The following KRT37 variants were observed in gnomAD, a reference collection of about 807,000 sequenced individuals.
The protein encoded by KRT37 is keratin, type I cuticular Ha7.
In KRT37, 38 loss-of-function variants were observed where a neutral mutation model predicts 41.9. The observed-to-expected ratio is 0.91, with a 90% CI of 0.70 to 1.19. The LOEUF (loss-of-function observed/expected upper bound fraction) is 1.19. KRT37 is among the 50% of genes most tolerant of loss of function. KRT37 has a pLI of 0.00. For synonymous variants in KRT37, 252 were observed against 243.4 expected (o/e 1.04, Z -0.33); for missense variants, 580 against 575.5 (o/e 1.01, Z -0.08).
At position 41,424,172 on chromosome 17, in the gene KRT37, A is replaced by G; in HGVS notation, c.352T>C (p.Tyr118His). Reference sequence around the variant, plus strand: ...TCCAGCTGGCGCACCTTCTCCAGGTAGTTGGCCAGGCGGTCATTCAGGAAC... The same window carrying G: ...TCCAGCTGGCGCACCTTCTCCAGGTGGTTGGCCAGGCGGTCATTCAGGAAC... ...MKFLNDRLANYLEKVRQLEQE... is the reference protein window; with the variant it reads ...MKFLNDRLANHLEKVRQLEQE... The change falls in exon 1 of 7, where the codon TAC becomes CAC. Residue 118 changes from tyrosine (Y) to histidine (H), a missense_variant. Coordinates refer to ENST00000225550, the MANE Select transcript of KRT37 (RefSeq NM_003770.5). The G allele has an allele frequency of 6.2e-7, 1 of 1,614,230 alleles. No homozygotes were observed. The highest frequency in any genetic ancestry group is 8.5e-7 in the Non-Finnish European group (1 of 1,180,038).
rs1173359628 is a variant in KRT37 at position 41,421,536 on chromosome 17, C to A, written c.1072G>T (p.Glu358Ter). 4 of 1,614,262 alleles carry A rather than the reference C, an allele frequency of 2.5e-6. No homozygotes were observed. The Admixed American group carries it at 6.7e-5, about 27-fold the overall frequency. ...LCEAEDRYGTELAQMQSLISN... is the reference protein window; with the variant it reads ...LCEAEDRYGT The stretch of plus-strand genomic sequence containing the variant: ...ATGAGGCTCTGCATCTGGGCCAGCT[C>A]TGTGCCGTAGCGGTCCTCCGCTTCA... Residue 358 changes from glutamate (E) to a stop codon, truncating the protein, a stop_gained, in exon 6 of 7, where the codon GAG (glutamate) becomes TAG (stop). Transcript: ENST00000225550. LOFTEE classifies it high-confidence loss of function.
Position 41,420,971 on chromosome 17 carries a change from G to C in KRT37, c.1257C>G (p.Pro419=). The change falls in exon 7 of 7, where the codon CCC becomes CCG. Residue 419 remains proline, a synonymous_variant. Coordinates refer to ENST00000225550, the MANE Select transcript of KRT37 (RefSeq NM_003770.5). The part of the protein sequence containing the change: ...ESEDCKLPCN[P]CSTPASCTSC... The stretch of plus-strand genomic sequence containing the variant: ...AAGTACAGGAGGCAGGCGTGGAACA[G>C]GGATTGCAGGGGAGTCTGCAGGGAG... The C allele has an allele frequency of 6.2e-7, 1 of 1,612,990 alleles. No individual in the cohort carries two copies. The highest frequency in any genetic ancestry group is 1.7e-4 in the Middle Eastern group (1 of 6,060).
chr17:41,421,418 A>G lies in KRT37; in HGVS notation c.1190T>C (p.Leu397Ser), dbSNP rs1463374598. The change falls in exon 6 of 7, where the codon TTG becomes TCG. Residue 397 changes from leucine to serine, a missense_variant. Leu to Ser is a moderately radical substitution (Grantham distance 145). Coordinates refer to ENST00000225550, the MANE Select transcript of KRT37 (RefSeq NM_003770.5). ...CCGGTATGTGGCAATCTCGTTCTCC[A>G]ACCGGGCCTTCACGTCCAGCAGCAC... The part of the protein sequence containing the change: ...YQVLLDVKAR[L>S]ENEIATYRNL... 2 of 1,614,206 alleles carry G rather than the reference A, an allele frequency of 1.2e-6. No homozygotes were observed. Among genetic ancestry groups the G allele is most frequent in the Non-Finnish European group, 1.7e-6 (2 of 1,180,022 alleles).
chr17:41,422,045 G>A (rs72828181), intron 5 of KRT37, 24 bp downstream of exon 5: 99 of 1,614,158 alleles, frequency 6.1e-5, no homozygotes, highest in Non-Finnish European at 8.1e-5. Context: ...CATTTGCAGT[G>A]CAGTGAGGGT....
In KRT37 at chr17:41,420,956, GGCAGGC is replaced by G. The variant is rs774992787; in HGVS notation, c.1266_1271del (p.Pro423_Ala424del). 1.7e-5 allele frequency: 27 copies of G among 1,613,942 alleles called. No homozygotes were observed. The South Asian group carries it at 2.6e-4, about 16-fold the overall frequency. On this transcript the variant is annotated inframe_deletion, in exon 7 of 7. Transcript: ENST00000225550. ...CACAGCTTGGACAAGAAGTACAGGAGGCAGGCGTGGAACAGGGATTGCAGGGGAGTC... is the reference window on the plus strand; with the variant it reads ...CACAGCTTGGACAAGAAGTACAGGAGGTGGAACAGGGATTGCAGGGGAGTC...
chr17:41,421,430 A>G lies in KRT37; in HGVS notation c.1178T>C (p.Val393Ala), dbSNP rs756204950. The change falls in exon 6 of 7, where the codon GTG (valine) becomes GCG (alanine). Residue 393 changes from valine to alanine, a missense_variant. By Grantham distance (64) the Val-to-Ala change is moderately conservative. Coordinates refer to ENST00000225550, the MANE Select transcript of KRT37 (RefSeq NM_003770.5). ...AATCTCGTTCTCCAACCGGGCCTTC[A>G]CGTCCAGCAGCACCTGGTACTCCTG... ...QNQEYQVLLD[V>A]KARLENEIAT... The G allele has an allele frequency of 6.2e-7, 1 of 1,614,244 alleles. No homozygotes were observed. The highest frequency in any genetic ancestry group is 8.5e-7 in the Non-Finnish European group (1 of 1,180,040).
chr17:41,422,058 A>G lies in KRT37; in HGVS notation c.1020+11T>C, dbSNP rs1474064173. ...GGCATTTGCAGTGCAGTGAGGGTGA[A>G]GGACACGTACCAAGGTGTGCTGGGC... On this transcript the variant is annotated intron_variant, in intron 5 of 6. Coordinates refer to ENST00000225550, the MANE Select transcript of KRT37 (RefSeq NM_003770.5). The G allele has an allele frequency of 3.7e-6, 6 of 1,614,194 alleles. No homozygotes were observed. The highest frequency in any genetic ancestry group is 5.1e-6 in the Non-Finnish European group (6 of 1,180,018).
At chr17:41,422,235 G>A in intron 4 of KRT37, 38 bp downstream of exon 4, 1 of 1,613,908 alleles carries the variant, frequency 6.2e-7, no homozygotes, top group Non-Finnish European at 8.5e-7. Flanking sequence ...TGCTCAGATG[G>A]AGGCCAGGTA....
At chr17:41,422,499 C>T in intron 3 of KRT37, 65 bp from the exon 4 acceptor site, 1 of 1,583,606 alleles carries the variant, frequency 6.3e-7, no homozygotes. Flanking sequence ...CAGACAGCAC[C>T]AGGACTCCGT....
intron 2 of KRT37, 24 bp downstream of exon 2, chr17:41,423,738 C>T (rs1280289067): frequency 6.2e-7 from 1 of 1,608,180 alleles, no homozygotes; most frequent in Admixed American, 1.7e-5. Context: ...AGAAGTCACA[C>T]TGACCCTCCT....
intron 1 of KRT37, 73 bp downstream of exon 1, chr17:41,423,959 C>T: frequency 1.9e-6 from 3 of 1,602,602 alleles, no homozygotes; most frequent in Non-Finnish European, 2.6e-6. Context: ...GCTCTCTGGA[C>T]CTTATGCAGA....
In KRT37 at chr17:41,420,926, A is replaced by G; in HGVS notation, c.1302T>C (p.Pro434=). Residue 434 remains proline (P), a synonymous_variant, in exon 7 of 7, where the codon CCT becomes CCC. Transcript: ENST00000225550. The part of the protein sequence containing the change: ...ASCTSCPSCG[P]VTGGSPSGHG... ...GGCCAGAGGGAGACCCACCGGTGAC[A>G]GGGCCACAGCTTGGACAAGAAGTAC... 1 of 1,614,080 alleles carries G rather than the reference A, an allele frequency of 6.2e-7. No individual in the cohort carries two copies.
chr17:41,420,883 TC>T lies in KRT37; in HGVS notation c.1344del (p.Arg449AspfsTer8). On this transcript the variant is annotated frameshift_variant, in exon 7 of 7. Transcript: ENST00000225550. LOFTEE classifies it high-confidence loss of function. ...GSPSGHGASM[G>X]R is the part of the protein sequence containing the mutation. ...CCTAACTCGGGCCTTCAGAATCATC[TC>T]CCCATGCTGGCTCCATGGCCAGAGG... 6.2e-7 allele frequency: 1 copy of T among 1,609,628 alleles called. No homozygotes were observed. The highest frequency in any genetic ancestry group is 1.7e-5 in the Admixed American group (1 of 59,974).
Position 41,422,326 on chromosome 17 carries a change from C to G in KRT37, c.841G>C (p.Glu281Gln). The G allele has an allele frequency of 6.2e-7, 1 of 1,614,174 alleles. No homozygotes were observed. The highest frequency in any genetic ancestry group is 8.5e-7 in the Non-Finnish European group (1 of 1,180,024). ...TGGTGGTTGGTCTCCACCATGGCCT[C>G]GTACTGAGCCCGCATCTCCCCCAAC... ...RVLGEMRAQYEAMVETNHQDV... is the reference protein window; with the variant it reads ...RVLGEMRAQYQAMVETNHQDV... The change falls in exon 4 of 7, where the codon GAG (glutamate) becomes CAG (glutamine). Residue 281 changes from glutamate (E) to glutamine (Q), a missense_variant. Physicochemically the swap from Glu to Gln is conservative, Grantham distance 29. Transcript: ENST00000225550.
chr17:41,421,435 C>T lies in KRT37; in HGVS notation c.1173G>A (p.Leu391=), dbSNP rs779390599. 11 of 1,614,238 alleles carry T rather than the reference C, an allele frequency of 6.8e-6. No individual in the cohort carries two copies. The Admixed American group carries it at 1.7e-4, about 24-fold the overall frequency. The stretch of plus-strand genomic sequence containing the variant: ...CGTTCTCCAACCGGGCCTTCACGTC[C>T]AGCAGCACCTGGTACTCCTGGTTCT... The part of the protein sequence containing the change: ...ERQNQEYQVL[L]DVKARLENEI... Residue 391 remains leucine (L), a synonymous_variant, in exon 6 of 7, where the codon CTG becomes CTA. Transcript: ENST00000225550.
At position 41,422,213 on chromosome 17, in the gene KRT37, C is replaced by G. The variant is rs758090818; in HGVS notation, c.895-19G>C. ...CTTCAGACTGGAGCACAGAGAAACA[C>G]AGTCACCTCCCTGCTCAGATGGAGG... is the stretch of plus-strand genomic sequence containing the variant. On this transcript the variant is annotated intron_variant, in intron 4 of 6. Transcript: ENST00000225550. 1.2e-6 allele frequency: 2 copies of G among 1,614,128 alleles called. No individual in the cohort carries two copies. Among genetic ancestry groups the G allele is most frequent in the Non-Finnish European group, 1.7e-6 (2 of 1,180,006 alleles).
In KRT37 at chr17:41,421,516, G is replaced by A; in HGVS notation, c.1092C>T (p.Ser364=). 1.2e-6 allele frequency: 2 copies of A among 1,614,204 alleles called. No homozygotes were observed. The highest frequency in any genetic ancestry group is 1.3e-5 in the African/African-American group (1 of 75,034). The change falls in exon 6 of 7, where the codon AGC becomes AGT. Residue 364 remains serine, a synonymous_variant. Transcript: ENST00000225550. The part of the protein sequence containing the change: ...RYGTELAQMQ[S]LISNLEEQLS... ...ACTGCTCTTCCAAGTTGCTAATGAG[G>A]CTCTGCATCTGGGCCAGCTCTGTGC... is the stretch of plus-strand genomic sequence containing the variant.
Position 41,422,193 on chromosome 17 carries a change from G to A in KRT37, c.896C>T (p.Ser299Phe). 6.2e-7 allele frequency: 1 copy of A among 1,614,132 alleles called. No individual in the cohort carries two copies. The highest frequency in any genetic ancestry group is 8.5e-7 in the Non-Finnish European group (1 of 1,180,030). Residue 299 changes from serine (S) to phenylalanine (F), a missense_variant and splice_region_variant, in exon 5 of 7, where the codon TCT (serine) becomes TTT (phenylalanine). Transcript: ENST00000225550. ...CATGGCCTGCAGGCTGATGCCTTCA[G>A]ACTGGAGCACAGAGAAACACAGTCA... ...QDVEQWFQAQ[S>F]EGISLQAMSC... is the part of the protein sequence containing the mutation.
chr17:41,422,450 C>T lies in KRT37; in HGVS notation c.733-16G>A, dbSNP rs1439447555. Reference sequence around the variant, plus strand: ...TCTTTACTTCCTGCAGAAATGGAAGCGATAGACAGCCTGCGTAAGGAAACG... The same window carrying T: ...TCTTTACTTCCTGCAGAAATGGAAGTGATAGACAGCCTGCGTAAGGAAACG... On this transcript the variant is annotated splice_polypyrimidine_tract_variant and intron_variant, in intron 3 of 6. Coordinates refer to ENST00000225550, the MANE Select transcript of KRT37 (RefSeq NM_003770.5). 24 of 1,613,284 alleles carry T rather than the reference C, an allele frequency of 1.5e-5. No individual in the cohort carries two copies. The highest frequency in any genetic ancestry group is 2.2e-5 in the South Asian group (2 of 90,966).
Sources: gnomAD v4.1 joint callset for allele counts on GRCh38, gnomAD v4.1.1 for gene constraint, MANE v1.5 for transcripts, NCBI Gene and HGNC (gene_info 2026-07-23, HGNC 2026-07-21) for gene names.